The following CFAP47 variants were observed in gnomAD, a reference collection of about 807,000 sequenced individuals.
The protein encoded by CFAP47 is cilia and flagella associated protein 47.
Under a neutral mutation model 148.1 loss-of-function variants are expected in CFAP47, and 29 were observed. The ratio of observed to expected loss-of-function variants is 0.20; its 90% CI spans 0.15 to 0.27. The LOEUF is 0.27. Among genes scored for constraint, CFAP47 ranks in the 10% least tolerant of loss-of-function variants. CFAP47 has a pLI of 1.00. For synonymous variants in CFAP47, 664 were observed against 577.3 expected, an observed-to-expected ratio of 1.15 and a Z score of -2.15; for missense variants, 1,872 against 1,697.5, an observed-to-expected ratio of 1.10 and a Z score of -1.81.
intron 33 of CFAP47, among the ~76,000 whole-genome samples, chrX:36,134,562 G>C (rs1230449251): frequency 1.8e-5 from 2 of 109,719 alleles, no homozygotes; most frequent in Non-Finnish European, 3.8e-5. Context: ...AATATTACTT[G>C]AATAATTGGA....
intron 32 of CFAP47, among the ~76,000 whole-genome samples, chrX:36,102,594 A>G (rs1166040907): frequency 9.0e-6 from 1 of 111,274 alleles, no homozygotes; most frequent in African/African-American, 3.3e-5. Flanking sequence ...TCATTAAATC[A>G]GTATTCTTAG....
chrX:36,098,820 C>A lies in CFAP47; in HGVS notation c.4944C>A (p.Val1648=), dbSNP rs146431612. ...CTCAAGGAGGATGTATTTCACATGT[C>A]CTGCCAGAATTTTTGCTTGAACCAG... ...LNAQGGCISH[V]LPEFLLEPED... is the part of the protein sequence containing the mutation. The change falls in exon 31 of 64, where the codon GTC becomes GTA. Residue 1648 remains valine, a synonymous_variant. Transcript: ENST00000378653. 3.3e-5 allele frequency: 39 copies of A among 1,185,521 alleles called. No individual in the cohort carries two copies. In the African/African-American group the frequency reaches 3.5e-4, roughly 11 times the overall value.
At chrX:36,041,925 C>CAAAAAA (rs61099689) in intron 25 of CFAP47, among the ~76,000 whole-genome samples, 2 of 30,565 alleles carry the variant, frequency 6.5e-5, no homozygotes, top group Non-Finnish European at 6.9e-5. Flanking sequence ...GACTCCATCT[C>CAAAAAA]AAAAAAAAAA....
intron 22 of CFAP47, among the ~76,000 whole-genome samples, chrX:36,019,245 A>G (rs751149287): frequency 8.9e-6 from 1 of 111,969 alleles, no homozygotes; most frequent in South Asian, 3.7e-4. Context: ...TGTGGCCTCA[A>G]TCAGTCAGTG....
intron 55 of CFAP47, among the ~76,000 whole-genome samples, chrX:36,308,398 T>C (rs190653459): frequency 2.5e-4 from 28 of 111,118 alleles, no homozygotes; most frequent in Admixed American, 2.3e-3. Flanking sequence ...CTTCTCAATA[T>C]ATTGCTGTAA....
chrX:36,143,562 G>A (rs1322923942), intron 35 of CFAP47, among the ~76,000 whole-genome samples: 2 of 111,620 alleles, frequency 1.8e-5, no homozygotes, highest in East Asian at 5.6e-4. Context: ...CACTGACAGA[G>A]TTGTTTGTCT....
chrX:36,162,973 G>A (rs1046915183), intron 39 of CFAP47, among the ~76,000 whole-genome samples: 2 of 111,825 alleles, frequency 1.8e-5, no homozygotes, highest in Non-Finnish European at 3.8e-5. Context: ...ACTTTGTGAA[G>A]GATTGGTATT....
intron 51 of CFAP47, among the ~76,000 whole-genome samples, chrX:36,295,535 T>A (rs1001494279): frequency 8.9e-5 from 10 of 112,275 alleles, no homozygotes; most frequent in Non-Finnish European, 1.3e-4. Flanking sequence ...ATTTCTGTAA[T>A]CATATAGCTA....
At chrX:36,305,754 A>G (rs782636039) in intron 54 of CFAP47, among the ~76,000 whole-genome samples, 70 of 111,681 alleles carry the variant, frequency 6.3e-4, no homozygotes, top group Non-Finnish European at 1.1e-3. Context: ...ATAAAATGCA[A>G]TTTTACTTAT....
chrX:36,068,783 C>G (rs1937688264), intron 27 of CFAP47, among the ~76,000 whole-genome samples: 1 of 107,700 alleles, frequency 9.3e-6, no homozygotes, highest in African/African-American at 3.4e-5. Flanking sequence ...TGGTGAAACC[C>G]CGTCTCTACT....
chrX:36,293,124 G>C (rs1267817547), intron 51 of CFAP47, among the ~76,000 whole-genome samples: 1 of 111,118 alleles, frequency 9.0e-6, no homozygotes, highest in Non-Finnish European at 1.9e-5. Context: ...GCCCCTATTT[G>C]CATGGAGCTA....
At position 36,238,888 on chromosome X, in the gene CFAP47, C is replaced by T. The variant is rs781927515; in HGVS notation, c.7332+2029C>T. Among the ~76,000 whole-genome samples, 9 of 112,001 alleles carry T rather than the reference C, an allele frequency of 8.0e-5. No homozygotes were observed. The Admixed American group carries it at 8.5e-4, about 11-fold the overall frequency. On this transcript the variant is annotated intron_variant, in intron 48 of 63. Transcript: ENST00000378653. ...CATGTAAGCTCCAGCCCTTCATTTT[C>T]AACTCCTTGCTATACCACTCCACTT...
chrX:35,974,971 C>T (rs1367740778), intron 13 of CFAP47, among the ~76,000 whole-genome samples, 176 bp from the exon 14 acceptor site: 1 of 111,201 alleles, frequency 9.0e-6, no homozygotes, highest in East Asian at 2.8e-4. Flanking sequence ...AACATTTAAT[C>T]ATGGTCATCT....
At chrX:36,284,328 C>T (rs2146946535) in intron 50 of CFAP47, among the ~76,000 whole-genome samples, 1 of 111,583 alleles carries the variant, frequency 9.0e-6, no homozygotes, top group East Asian at 2.8e-4. Context: ...AATAAGAATT[C>T]AACTGGGTCT....
At position 35,941,339 on chromosome X, in the gene CFAP47, T is replaced by C; in HGVS notation, c.458T>C (p.Val153Ala). ...IESVVNFGTL[V>A]ANSKVYSKEI... ...TCAGTAGTTAATTTTGGCACACTGG[T>C]TGCCAATAGTAAAGTATATTCTAAA... The change falls in exon 3 of 64, where the codon GTT becomes GCT. Residue 153 changes from valine (V) to alanine (A), a missense_variant. Physicochemically the swap from Val to Ala is moderately conservative, Grantham distance 64. Coordinates refer to ENST00000378653, the MANE Select transcript of CFAP47 (RefSeq NM_001304548.2). 1 of 1,179,278 alleles carries C rather than the reference T, an allele frequency of 8.5e-7. No homozygotes were observed. Among genetic ancestry groups the C allele is most frequent in the South Asian group, 1.9e-5 (1 of 52,308 alleles).
chrX:36,372,880 C>T (rs1313159465), intron 62 of CFAP47, among the ~76,000 whole-genome samples: 1 of 111,629 alleles, frequency 9.0e-6, no homozygotes, highest in Non-Finnish European at 1.9e-5. Context: ...ACAGCATATG[C>T]TTAGGTTTAT....
intron 15 of CFAP47, among the ~76,000 whole-genome samples, chrX:35,979,924 T>C (rs1465472896): frequency 8.9e-6 from 1 of 112,264 alleles, no homozygotes; most frequent in Non-Finnish European, 1.9e-5. Context: ...CTTAGCACAG[T>C]ATCAGATGGT....
chrX:36,322,579 G>C (rs1447744521), intron 57 of CFAP47, among the ~76,000 whole-genome samples: 6 of 111,082 alleles, frequency 5.4e-5, no homozygotes, highest in African/African-American at 1.6e-4. Context: ...GCAACAAAGA[G>C]ACCAACATTT....
chrX:36,011,349 A>G (rs989355640), intron 21 of CFAP47, among the ~76,000 whole-genome samples: 1 of 111,922 alleles, frequency 8.9e-6, no homozygotes, highest in African/African-American at 3.2e-5. Context: ...CAAAGATGAA[A>G]GTTTAACATC....
Sources: gnomAD v4.1 joint callset for allele counts (sites outside exome capture counted in the v4.1 genomes callset) on GRCh38, gnomAD v4.1.1 for gene constraint, MANE v1.5 for transcripts, NCBI Gene and HGNC (gene_info 2026-07-23, HGNC 2026-07-21) for gene names.